RHCE: variants seen among roughly 807,000 people sequenced by gnomAD.
The protein encoded by RHCE is Rh blood group CcEe antigens.
RHCE carries 22 observed loss-of-function variants against 43.8 expected under a neutral mutation model. The ratio of observed to expected loss-of-function variants is 0.50; its 90% CI spans 0.36 to 0.72. The LOEUF (loss-of-function observed/expected upper bound fraction) is 0.72. Ranked by LOEUF, RHCE falls within the 30% of genes least tolerant of loss-of-function variation. The probability of loss-of-function intolerance (pLI) is 0.00; values close to 1 mark genes in which losing one functional copy is unlikely to be tolerated. For missense variants in RHCE, 385 were observed against 525.4 expected, an observed-to-expected ratio of 0.73 and a Z score of 2.61; for synonymous variants, 156 against 210.7, an observed-to-expected ratio of 0.74 and a Z score of 2.25.
At chr1:25,382,529 T>C (rs562883420) in intron 7 of RHCE, among the ~76,000 whole-genome samples, 1 of 150,576 alleles carries the variant, frequency 6.6e-6, no homozygotes, top group African/African-American at 2.5e-5. Flanking sequence ...ACTCATTCTA[T>C]ATGATGCTGT....
At chr1:25,416,821 G>GA (rs1267746176) in intron 1 of RHCE, among the ~76,000 whole-genome samples, 1 of 147,704 alleles carries the variant, frequency 6.8e-6, no homozygotes, top group Non-Finnish European at 1.5e-5. Flanking sequence ...AGAGATGGCG[G>GA]GGGGGGGTCT....
intron 8 of RHCE, among the ~76,000 whole-genome samples, chr1:25,373,558 A>G (rs1183695956): frequency 6.6e-6 from 1 of 151,670 alleles, no homozygotes; most frequent in Non-Finnish European, 1.5e-5. Flanking sequence ...CTCAAAAATT[A>G]CCCAAGTAAC....
chr1:25,404,576 C>T (rs537396265), intron 2 of RHCE, among the ~76,000 whole-genome samples: 11 of 142,228 alleles, frequency 7.7e-5, no homozygotes, highest in Admixed American at 5.6e-4. Context: ...GCGTGTGTGC[C>T]GGCGGCGGTA....
At position 25,382,230 on chromosome 1, in the gene RHCE, A is replaced by G. The variant is rs924463007; in HGVS notation, c.1073+3481T>C. Reference sequence around the variant, plus strand: ...ATATGAATTGAAGGATTAAGTTTCTAGCACATGAAATTTGGGGGACACATT... The same window carrying G: ...ATATGAATTGAAGGATTAAGTTTCTGGCACATGAAATTTGGGGGACACATT... On this transcript the variant is annotated intron_variant, in intron 7 of 9. Coordinates refer to ENST00000294413, the MANE Select transcript of RHCE (RefSeq NM_020485.8). Among the ~76,000 whole-genome samples the G allele has an allele frequency of 8.8e-5, 13 of 148,262 alleles. 1 individual carries two copies. The highest frequency in any genetic ancestry group is 3.4e-3 in the Middle Eastern group (1 of 294).
intron 3 of RHCE, among the ~76,000 whole-genome samples, chr1:25,402,210 A>G (rs28688480): frequency 0.011 from 807 of 74,158 alleles, 3 homozygotes; most frequent in East Asian, 0.026. Context: ...CTGTCTGTCT[A>G]TCTATCTATC....
Position 25,385,796 on chromosome 1 carries a change from A to G in RHCE, c.988T>C (p.Ser330Pro). 1.2e-6 allele frequency: 2 copies of G among 1,613,990 alleles called. No homozygotes were observed. The highest frequency in any genetic ancestry group is 1.7e-6 in the Non-Finnish European group (2 of 1,180,016). The part of the protein sequence containing the change: ...LGIHHISVMH[S>P]IFSLLGLLGE... ...AGCAGACCCAGCAAGCTGAAGATGG[A>G]GTGCATGACGGAGATGTGGTGAATC... is the stretch of plus-strand genomic sequence containing the variant. Residue 330 changes from serine (S) to proline (P), a missense_variant, in exon 7 of 10, where the codon TCC becomes CCC. Physicochemically the swap from Ser to Pro is moderately conservative, Grantham distance 74 (BLOSUM62 -1). This residue lies in a region of RHCE where 82 missense variants were observed against 69.2 expected (regional missense o/e 1.18). Coordinates refer to ENST00000294413, the MANE Select transcript of RHCE (RefSeq NM_020485.8).
chr1:25,397,111 CAA>C (rs151106139), intron 3 of RHCE, among the ~76,000 whole-genome samples: 2 of 58,044 alleles, frequency 3.4e-5, no homozygotes, highest in Admixed American at 2.2e-4. Flanking sequence ...GACTCTGTCT[CAA>C]AAAAAAAAAA....
chr1:25,385,525 A>C lies in RHCE; in HGVS notation c.1073+186T>G, dbSNP rs1646126136. ...TTTGGAAAGAAGAGGTGGCCTGGAG[A>C]GGTGATAAATCCATCCAAGGTAGGG... On this transcript the variant is annotated intron_variant, in intron 7 of 9. Coordinates refer to ENST00000294413, the MANE Select transcript of RHCE (RefSeq NM_020485.8). 4.7e-6 allele frequency: 4 copies of C among 857,356 alleles called. No individual in the cohort carries two copies. In the East Asian group the frequency reaches 1.1e-4, roughly 23 times the overall value. 53.1% of individuals were successfully genotyped at this position (857,356 alleles called of 1,614,324 possible).
At chr1:25,415,429 G>C (rs1291067001) in intron 1 of RHCE, among the ~76,000 whole-genome samples, 9 of 152,170 alleles carry the variant, frequency 5.9e-5, no homozygotes, top group East Asian at 5.8e-4. Context: ...GAGGCGGGTG[G>C]ATCACCTGAG....
At position 25,390,630 on chromosome 1, in the gene RHCE, G is replaced by A. The variant is rs946445417; in HGVS notation, c.801+119C>T. 179 of 1,211,306 alleles carry A rather than the reference G, an allele frequency of 1.5e-4. 1 individual carries two copies. Among genetic ancestry groups the A allele is most frequent in the Non-Finnish European group, 1.3e-4 (108 of 832,764 alleles). 75.0% of individuals were successfully genotyped at this position (1,211,306 alleles called of 1,614,324 possible). On this transcript the variant is annotated intron_variant, in intron 5 of 9. Coordinates refer to ENST00000294413, the MANE Select transcript of RHCE (RefSeq NM_020485.8). ...GAGCTCCACTGTAGAGGCAGGCACA[G>A]CTCCACCACCCGGCATGCCCTCTCC...
At chr1:25,381,336 C>A (rs1645992473) in intron 7 of RHCE, among the ~76,000 whole-genome samples, 1 of 152,172 alleles carries the variant, frequency 6.6e-6, no homozygotes, top group East Asian at 1.9e-4. Context: ...TATCAGCATT[C>A]TGATCTCAAC....
chr1:25,388,559 G>A (rs902560810), intron 6 of RHCE, among the ~76,000 whole-genome samples: 47 of 151,646 alleles, frequency 3.1e-4, no homozygotes, highest in Admixed American at 4.6e-4. Context: ...CCACCAGGCT[G>A]CTTTCTTGAA....
intron 7 of RHCE, among the ~76,000 whole-genome samples, chr1:25,380,980 C>T (rs978904544): frequency 6.0e-5 from 9 of 148,996 alleles, no homozygotes; most frequent in Non-Finnish European, 1.3e-4. Context: ...CGGCTCACTG[C>T]AAGCTCTGCC....
chr1:25,428,805 T>A (rs1191537283), intron 2 of RHCE: 4 of 152,216 alleles, frequency 2.6e-5, no homozygotes, highest in Admixed American at 2.6e-4. Context: ...TCCAAGAAGC[T>A]TTTTGCCTAA....
rs3080376 is a variant in RHCE, at chr1:25,369,730, A to ATTTTT, written c.1227+732_1227+736dup. 4.0e-3 allele frequency among the ~76,000 whole-genome samples: 382 copies of ATTTTT among 95,468 alleles called. 6 individuals are homozygous for ATTTTT. Among genetic ancestry groups the ATTTTT allele is most frequent in the Middle Eastern group, 9.3e-3 (1 of 108 alleles). 62.6% of individuals were successfully genotyped at this position (95,468 alleles called of 152,430 possible). On this transcript the variant is annotated intron_variant, in intron 9 of 9. Coordinates refer to ENST00000294413, the MANE Select transcript of RHCE (RefSeq NM_020485.8). ...GCCTGGATACTCACACACTGTAAGA[A>ATTTTT]TTTTTTTTTTTTTTTTTTTTTTTTG...
chr1:25,391,777 T>C (rs974952579), intron 4 of RHCE, among the ~76,000 whole-genome samples: 1 of 152,180 alleles, frequency 6.6e-6, no homozygotes, highest in Non-Finnish European at 1.5e-5. Flanking sequence ...GAGTCTCTCC[T>C]TTCTAGTGGA....
intron 2 of RHCE, among the ~76,000 whole-genome samples, chr1:25,404,270 C>G (rs1439025887): frequency 2.0e-5 from 3 of 149,574 alleles, no homozygotes; most frequent in Non-Finnish European, 4.4e-5. Flanking sequence ...TTAAAATGGA[C>G]TTTTTGGAAA....
rs556663345 is a variant in RHCE, at chr1:25,391,900, G to C, written c.634+94C>G. 3,516 of 1,569,744 alleles carry C rather than the reference G, an allele frequency of 2.2e-3. 50 individuals carry two copies. The African/African-American group carries it at 0.036, about 16-fold the overall frequency. ...GAAGGGCTTCAGACACCCAGGGGAA[G>C]TTGGTAAAGGAGGGAGATTTTTTCA... is the stretch of plus-strand genomic sequence containing the variant. On this transcript the variant is annotated intron_variant, in intron 4 of 9. Coordinates refer to ENST00000294413, the MANE Select transcript of RHCE (RefSeq NM_020485.8).
chr1:25,392,677 C>T (rs973371336), intron 3 of RHCE, among the ~76,000 whole-genome samples: 8 of 145,962 alleles, frequency 5.5e-5, no homozygotes, highest in Non-Finnish European at 9.0e-5. Flanking sequence ...CTCAAGCAAT[C>T]CTCCCACCTC....
Sources: allele counts gnomAD v4.1 joint callset (sites outside exome capture counted in the v4.1 genomes callset), GRCh38; gene constraint gnomAD v4.1.1; regional missense constraint gnomAD v4.1.1; transcripts MANE v1.5; gene names NCBI Gene and HGNC (gene_info 2026-07-23, HGNC 2026-07-21).